COG6: variants seen among roughly 807,000 people sequenced by gnomAD.
COG6 encodes the protein component of oligomeric golgi complex 6, also known as conserved oligomeric Golgi complex subunit 6.
Under a neutral mutation model 88.8 loss-of-function variants are expected in COG6, and 74 were observed. That is an observed-to-expected ratio of 0.83 (90% CI 0.69 to 1.01). COG6 has a LOEUF of 1.01. COG6 is among the 50% of genes least tolerant of loss of function. COG6 has a pLI of 0.00. For synonymous variants in COG6, 286 were observed against 278.7 expected (o/e 1.03, Z -0.26); for missense variants, 800 against 797.9 (o/e 1.00, Z -0.03).
chr13:39,717,861 AAAAAAC>A (rs988021627), intron 13 of COG6, among the ~76,000 whole-genome samples: 7 of 152,284 alleles, frequency 4.6e-5, no homozygotes, highest in Admixed American at 2.6e-4. Context: ...TGTCAAAAAC[AAAAAAC>A]AAAAACAAAA....
chr13:39,731,211 A>G (rs981932608), intron 18 of COG6, among the ~76,000 whole-genome samples: 1 of 152,088 alleles, frequency 6.6e-6, no homozygotes, highest in Non-Finnish European at 1.5e-5. Context: ...CATAGTTGCA[A>G]TACCTTTGGG....
rs554269460 is a variant in COG6, at chr13:39,751,227, A to AT, written c.*147dup. ...TATCATAAGATTGTAAGTCCCGATA[A>AT]TTTTTTTTTTTTTGGTCTCAGTAAC... On this transcript the variant is annotated 3_prime_UTR_variant, in exon 19 of 19. Transcript: ENST00000455146. The AT allele has an allele frequency of 0.071, 79,534 of 1,123,314 alleles. 58 individuals carry two copies. The highest frequency in any genetic ancestry group is 0.079 in the Non-Finnish European group (64,494 of 821,096). The allele number at this position is 1,123,314 out of a possible 1,614,324, so 69.6% of individuals were successfully genotyped here.
chr13:39,752,879 T>C (rs1880712479), downstream of COG6, among the ~76,000 whole-genome samples: 1 of 152,220 alleles, frequency 6.6e-6, no homozygotes, highest in African/African-American at 2.4e-5. Context: ...CTATTTTCAT[T>C]TGGCATAAGT....
intron 5 of COG6, among the ~76,000 whole-genome samples, chr13:39,677,862 T>C (rs1566175552): frequency 6.6e-6 from 1 of 152,214 alleles, no homozygotes; most frequent in Non-Finnish European, 1.5e-5. Context: ...ATTGCTTCTT[T>C]TGTAAATTCT....
chr13:39,679,594 C>A lies in COG6; in HGVS notation c.597C>A (p.Leu199=). 1 of 1,607,488 alleles carries A rather than the reference C, an allele frequency of 6.2e-7. No individual in the cohort carries two copies. Among genetic ancestry groups the A allele is most frequent in the Non-Finnish European group, 8.5e-7 (1 of 1,174,110 alleles). ...VKQIHNDVKV[L]LRTNQQTAGL... ...AGATTCATAATGATGTCAAAGTTCTCTTGCGTACAAATCAACAAACGGCAG... is the reference window on the plus strand; with the variant it reads ...AGATTCATAATGATGTCAAAGTTCTATTGCGTACAAATCAACAAACGGCAG... The change falls in exon 6 of 19, where the codon CTC becomes CTA. Residue 199 remains leucine (L), a synonymous_variant. Transcript: ENST00000455146.
At chr13:39,757,771 A>G (rs1222349881) in intron 18 of COG6, among the ~76,000 whole-genome samples, 1 of 152,182 alleles carries the variant, frequency 6.6e-6, no homozygotes, top group Non-Finnish European at 1.5e-5. Context: ...GTCAGTAATC[A>G]AAAAACTCCC....
At chr13:39,766,086 TGGACCCTCTCC>T (rs972100023) in intron 18 of COG6, among the ~76,000 whole-genome samples, 5 of 152,210 alleles carry the variant, frequency 3.3e-5, no homozygotes, top group Admixed American at 2.6e-4. Context: ...TTCTGGCTTC[TGGACCCTCTCC>T]CCAGTACTGC....
At chr13:39,681,307 G>T (rs1876300612) in intron 7 of COG6, among the ~76,000 whole-genome samples, 1 of 152,086 alleles carries the variant, frequency 6.6e-6, no homozygotes, top group Non-Finnish European at 1.5e-5. Context: ...TCTTTACATT[G>T]TTTGCTTCCA....
chr13:39,685,836 C>T (rs1876604146), intron 8 of COG6, among the ~76,000 whole-genome samples: 1 of 149,908 alleles, frequency 6.7e-6, no homozygotes, highest in Non-Finnish European at 1.5e-5. Flanking sequence ...TGCAATTTAG[C>T]AAAACTTAGC....
chr13:39,726,373 A>G (rs1219700006), intron 17 of COG6, among the ~76,000 whole-genome samples: 2 of 152,000 alleles, frequency 1.3e-5, no homozygotes, highest in Non-Finnish European at 2.9e-5. Flanking sequence ...TACTACACAA[A>G]TAAATGAATG....
intron 4 of COG6, among the ~76,000 whole-genome samples, chr13:39,668,932 T>C (rs565055839): frequency 6.6e-6 from 1 of 152,228 alleles, no homozygotes; most frequent in Non-Finnish European, 1.5e-5. Context: ...ACCTGTCTTA[T>C]TCAGATTTTG....
At chr13:39,680,387 T>G (rs974427876) in intron 7 of COG6, among the ~76,000 whole-genome samples, 2 of 152,194 alleles carry the variant, frequency 1.3e-5, no homozygotes, top group Non-Finnish European at 2.9e-5. Context: ...TTAAAGCAGA[T>G]TAGGTATCTC....
chr13:39,753,353 G>A (rs763572580), downstream of COG6, among the ~76,000 whole-genome samples: 6 of 152,144 alleles, frequency 3.9e-5, no homozygotes, highest in South Asian at 2.1e-4. Context: ...TTTGGGCTTC[G>A]AGCCTCCAGA....
chr13:39,670,588 T>C (rs1297094652), intron 4 of COG6, among the ~76,000 whole-genome samples: 1 of 152,054 alleles, frequency 6.6e-6, no homozygotes, highest in Non-Finnish European at 1.5e-5. Flanking sequence ...GTTTTTGAGA[T>C]AACTAAATTA....
intron 18 of COG6, among the ~76,000 whole-genome samples, chr13:39,772,437 G>T (rs898761499): frequency 6.6e-6 from 1 of 152,106 alleles, no homozygotes; most frequent in African/African-American, 2.4e-5. Context: ...CTGCCCTCAG[G>T]GAGCTTGTAG....
At chr13:39,692,886 G>A (rs890833065) in intron 11 of COG6, among the ~76,000 whole-genome samples, 2 of 151,936 alleles carry the variant, frequency 1.3e-5, no homozygotes, top group Admixed American at 6.6e-5. Flanking sequence ...CATTATTCCC[G>A]TTGCTGCTTT....
intron 13 of COG6, 25 bp from the exon 14 acceptor site, chr13:39,719,211 G>A (rs1426533772): frequency 5.3e-5 from 86 of 1,609,798 alleles, no homozygotes; most frequent in Non-Finnish European, 7.1e-5. Context: ...AATATAAGGA[G>A]TGGGTAAATC....
chr13:39,775,547 T>A (rs1881438572), intron 18 of COG6, among the ~76,000 whole-genome samples: 1 of 152,176 alleles, frequency 6.6e-6, no homozygotes, highest in Non-Finnish European at 1.5e-5. Context: ...TTTGGTTTCC[T>A]CATCACTAAA....
intron 18 of COG6, among the ~76,000 whole-genome samples, chr13:39,758,537 T>A (rs1440070306): frequency 1.3e-5 from 2 of 152,188 alleles, no homozygotes; most frequent in African/African-American, 4.8e-5. Flanking sequence ...AGAATCACAA[T>A]GAGATTCTAC....
Sources: allele counts gnomAD v4.1 joint callset (sites outside exome capture counted in the v4.1 genomes callset), GRCh38; gene constraint gnomAD v4.1.1; transcripts MANE v1.5; gene names NCBI Gene and HGNC (gene_info 2026-07-23, HGNC 2026-07-21).